Variants in STOX2 observed in about 807,000 individuals in gnomAD.
The protein encoded by STOX2 is storkhead-box protein 2.
In STOX2, 28 loss-of-function variants were observed where a neutral mutation model predicts 60.9. The observed-to-expected ratio is 0.46, with a 90% CI of 0.34 to 0.63. The LOEUF (loss-of-function observed/expected upper bound fraction) is 0.63. STOX2 is among the 30% of genes least tolerant of loss of function. The probability of loss-of-function intolerance (pLI) is 0.01; values close to 1 mark genes in which losing one functional copy is unlikely to be tolerated. For missense variants in STOX2, 1,024 were observed against 1,187.7 expected (o/e 0.86, Z 2.03); for synonymous variants, 472 against 463.9 (o/e 1.02, Z -0.22).
chr4:184,008,031 G>A (rs751101653), intron 2 of STOX2, among the ~76,000 whole-genome samples: 16 of 152,298 alleles, frequency 1.1e-4, no homozygotes, highest in African/African-American at 3.1e-4. Flanking sequence ...CCAGCAGCCC[G>A]GCCCCAGCCT....
At chr4:183,903,232 C>T (rs574451810), upstream of STOX2, among the ~76,000 whole-genome samples, 1 of 152,316 alleles carries the variant, frequency 6.6e-6, no homozygotes, top group South Asian at 2.1e-4. Context: ...TCCATGACCT[C>T]ATCACAAACC....
chr4:184,009,082 A>C lies in STOX2; in HGVS notation c.320-76A>C. On this transcript the variant is annotated intron_variant, in intron 2 of 3. Transcript: ENST00000308497. The surrounding 1 kb of genome is among the most constrained non-coding windows in gnomAD (Gnocchi z 4.0). ...ATGGTACTTCGCATCTTGGCGAATG[A>C]ATAGGATCCTGGAAATCAGGAATCC... is the stretch of plus-strand genomic sequence containing the variant. 8.5e-7 allele frequency: 1 copy of C among 1,172,754 alleles called. No homozygotes were observed. The highest frequency in any genetic ancestry group is 1.2e-6 in the Non-Finnish European group (1 of 844,774). The allele number at this position is 1,172,754 out of a possible 1,614,324, so 72.6% of individuals were successfully genotyped here.
chr4:183,866,868 G>A (rs1740579304), intron 1 of STOX2, among the ~76,000 whole-genome samples: 1 of 152,168 alleles, frequency 6.6e-6, no homozygotes, highest in Non-Finnish European at 1.5e-5. Context: ...AACAGAAGGA[G>A]ACCCTGTCTC....
In STOX2 at chr4:183,916,346, A is replaced by T. The variant is rs1268639555; in HGVS notation, c.166+9390A>T. On this transcript the variant is annotated intron_variant, in intron 1 of 3. Coordinates refer to ENST00000308497, the MANE Select transcript of STOX2 (RefSeq NM_020225.3). ...TATCCTTTTGCCTGAGAGGCTGTGT[A>T]GCATAGTGATTTAGAGCAGAGATGC... is the stretch of plus-strand genomic sequence containing the variant. Among the ~76,000 whole-genome samples the T allele has an allele frequency of 2.6e-5, 4 of 152,200 alleles. No homozygotes were observed. In the South Asian group the frequency reaches 8.3e-4, roughly 31 times the overall value.
chr4:183,947,876 AT>A (rs1742942050), intron 1 of STOX2, among the ~76,000 whole-genome samples: 1 of 152,184 alleles, frequency 6.6e-6, no homozygotes, highest in African/African-American at 2.4e-5. Flanking sequence ...ATGCTGTGCT[AT>A]CCTAAGTTGT....
intron 1 of STOX2, among the ~76,000 whole-genome samples, chr4:183,997,596 A>G (rs1733398789): frequency 6.6e-6 from 1 of 152,192 alleles, no homozygotes; most frequent in Non-Finnish European, 1.5e-5. Flanking sequence ...TCAAGTTCTT[A>G]TGAAGGACCA....
chr4:183,875,821 G>A (rs752829379), intron 1 of STOX2, among the ~76,000 whole-genome samples: 3 of 152,312 alleles, frequency 2.0e-5, no homozygotes, highest in East Asian at 1.9e-4. Context: ...AGGCTCAAGC[G>A]ATCCTCCCAT....
chr4:183,958,590 C>G (rs1358845760), intron 1 of STOX2, among the ~76,000 whole-genome samples: 2 of 152,128 alleles, frequency 1.3e-5, no homozygotes, highest in African/African-American at 2.4e-5. Context: ...CTTTTCTATT[C>G]CACCTACTGT....
At chr4:183,853,307 G>C (rs1740211424) in intron 1 of STOX2, 1 of 152,152 alleles carries the variant, frequency 6.6e-6, no homozygotes, top group African/African-American at 2.4e-5. Context: ...GCGGATTCAG[G>C]GCCCAGCCCC....
At chr4:183,897,231 G>A (rs1217024899) in intron 1 of STOX2, among the ~76,000 whole-genome samples, 1 of 152,090 alleles carries the variant, frequency 6.6e-6, no homozygotes, top group Non-Finnish European at 1.5e-5. Context: ...GTTTCATTCC[G>A]AAGCTTCTTG....
At chr4:183,968,342 C>CCACA in intron 1 of STOX2, among the ~76,000 whole-genome samples, 1 of 92,984 alleles carries the variant, frequency 1.1e-5, no homozygotes, top group South Asian at 2.9e-4. Context: ...ATGCATATAC[C>CCACA]TACACACACA....
rs376485012 is a variant in STOX2, at chr4:184,010,610, G to T, written c.1772G>T (p.Cys591Phe). 1.9e-6 allele frequency: 3 copies of T among 1,614,012 alleles called. No individual in the cohort carries two copies. The highest frequency in any genetic ancestry group is 2.7e-5 in the African/African-American group (2 of 75,052). ...SLPSYGELNS[C>F]PTKTATDDYF... ...CCATCCTATGGCGAACTCAACTCTT[G>T]TCCAACAAAAACAGCCACAGATGAC... is the stretch of plus-strand genomic sequence containing the variant. Residue 591 changes from cysteine to phenylalanine, a missense_variant, in exon 3 of 4, where the codon TGT (cysteine) becomes TTT (phenylalanine). Cys to Phe is a radical substitution (Grantham distance 205). This residue lies in a region of STOX2 where 922 missense variants were observed against 1,058.3 expected (regional missense o/e 0.87). Transcript: ENST00000308497. The surrounding 1 kb of genome is among the most constrained non-coding windows in gnomAD (Gnocchi z 4.5).
At chr4:183,993,022 A>G (rs1275835599) in intron 1 of STOX2, among the ~76,000 whole-genome samples, 1 of 152,220 alleles carries the variant, frequency 6.6e-6, no homozygotes. Context: ...AAATAGCTAA[A>G]TGGTCCAACA....
chr4:183,820,221 A>G (rs1197219924), intron 1 of STOX2, among the ~76,000 whole-genome samples: 1 of 152,140 alleles, frequency 6.6e-6, no homozygotes, highest in Non-Finnish European at 1.5e-5. Context: ...CACCATGCCC[A>G]GCTAGACTAT....
intron 1 of STOX2, among the ~76,000 whole-genome samples, chr4:183,862,779 G>T (rs1323288674): frequency 6.6e-6 from 1 of 152,210 alleles, no homozygotes; most frequent in Non-Finnish European, 1.5e-5. Flanking sequence ...CTCAGAAGAG[G>T]GAGGGATCGC....
Position 184,011,588 on chromosome 4 carries a change from A to T in STOX2, c.2585+165A>T. 6.5e-7 allele frequency: 1 copy of T among 1,533,852 alleles called. No homozygotes were observed. The highest frequency in any genetic ancestry group is 8.7e-7 in the Non-Finnish European group (1 of 1,144,704). Reference sequence around the variant, plus strand: ...ATCTGTTTCTGACTTCTTTTTCAGGAATTGAAAAAAATGTTTCTGCACCTG... The same window carrying T: ...ATCTGTTTCTGACTTCTTTTTCAGGTATTGAAAAAAATGTTTCTGCACCTG... On this transcript the variant is annotated intron_variant, in intron 3 of 3. Transcript: ENST00000308497. The surrounding 1 kb of genome is among the most constrained non-coding windows in gnomAD (Gnocchi z 4.4).
rs140557257 is a variant in STOX2 at position 183,887,814 on chromosome 4, C to T, written c.364+89759C>T. Among the ~76,000 whole-genome samples the T allele has an allele frequency of 2.4e-3, 364 of 152,322 alleles. 1 individual carries two copies. Among genetic ancestry groups the T allele is most frequent in the South Asian group, 4.6e-3 (22 of 4,820 alleles). On this transcript the variant is annotated intron_variant, in intron 1 of 2. Transcript: ENST00000513034. ...GTTGGAGTGCAGTGGTGCAATCATACCTCACTGTAGCCTTGAGCTCGTAGG... is the reference window on the plus strand; with the variant it reads ...GTTGGAGTGCAGTGGTGCAATCATATCTCACTGTAGCCTTGAGCTCGTAGG...
At chr4:183,986,231 A>G (rs1732838390) in intron 1 of STOX2, among the ~76,000 whole-genome samples, 1 of 152,256 alleles carries the variant, frequency 6.6e-6, no homozygotes, top group Non-Finnish European at 1.5e-5. Flanking sequence ...TTTCATCTGT[A>G]TATGGCCTAT....
chr4:183,978,621 C>A (rs1418773669), intron 1 of STOX2, among the ~76,000 whole-genome samples: 1 of 152,148 alleles, frequency 6.6e-6, no homozygotes, highest in Non-Finnish European at 1.5e-5. Flanking sequence ...GTATCCTTAC[C>A]ATATGATCCA....
Sources: gnomAD v4.1 joint callset for allele counts (sites outside exome capture counted in the v4.1 genomes callset) on GRCh38, gnomAD v4.1.1 for gene constraint, gnomAD v4.1.1 regional missense constraint, Gnocchi (gnomAD v3.1) non-coding constraint, MANE v1.5 for transcripts, NCBI Gene and HGNC (gene_info 2026-07-23, HGNC 2026-07-21) for gene names.